SLC35F1: variants seen among roughly 807,000 people sequenced by gnomAD.
SLC35F1 encodes solute carrier family 35 member F1.
Under a neutral mutation model 48.7 loss-of-function variants are expected in SLC35F1, and 14 were observed. The observed-to-expected ratio is 0.29, with a 90% CI of 0.19 to 0.45. SLC35F1 has a LOEUF of 0.45. Ranked by LOEUF, SLC35F1 falls within the 20% of genes least tolerant of loss-of-function variation. SLC35F1 has a pLI of 1.00. For synonymous variants in SLC35F1, 190 were observed against 202.2 expected, an observed-to-expected ratio of 0.94 and a Z score of 0.51; for missense variants, 404 against 500.0, an observed-to-expected ratio of 0.81 and a Z score of 1.83.
At chr6:117,945,041 A>G (rs1776279090) in intron 1 of SLC35F1, among the ~76,000 whole-genome samples, 1 of 152,214 alleles carries the variant, frequency 6.6e-6, no homozygotes, top group South Asian at 2.1e-4. Flanking sequence ...ATCTGCATTC[A>G]TGGAGCTTGC....
rs76108627 is a variant in SLC35F1, at chr6:118,285,240, G to A, written c.904G>A (p.Val302Ile). The change falls in exon 7 of 8, where the codon GTC (valine) becomes ATC (isoleucine). Residue 302 changes from valine (V) to isoleucine (I), a missense_variant. Val to Ile is a conservative substitution (Grantham distance 29). Coordinates refer to ENST00000360388, the MANE Select transcript of SLC35F1 (RefSeq NM_001029858.4). Reference sequence around the variant, plus strand: ...GTTTGGTCTCTACAGCTTTATGCCAGTCGTCATAAAGAAAACCAGTGCCAC... The same window carrying A: ...GTTTGGTCTCTACAGCTTTATGCCAATCGTCATAAAGAAAACCAGTGCCAC... ...CMFGLYSFMP[V>I]VIKKTSATSV... The A allele has an allele frequency of 1.5e-3, 2,497 of 1,613,942 alleles. 5 individuals carry two copies. Among genetic ancestry groups the A allele is most frequent in the Non-Finnish European group, 1.9e-3 (2,253 of 1,179,886 alleles).
intron 1 of SLC35F1, among the ~76,000 whole-genome samples, chr6:118,022,214 A>G (rs1244089858): frequency 6.6e-6 from 1 of 152,212 alleles, no homozygotes; most frequent in Non-Finnish European, 1.5e-5. Context: ...CAGCATCAAA[A>G]TGAAATTGGT....
At chr6:117,937,582 T>C (rs1776176632) in intron 1 of SLC35F1, among the ~76,000 whole-genome samples, 1 of 152,142 alleles carries the variant, frequency 6.6e-6, no homozygotes, top group Admixed American at 6.5e-5. Flanking sequence ...AATCAAGAAA[T>C]ACTGTACCCA....
chr6:117,966,508 A>T (rs971558022), intron 1 of SLC35F1, among the ~76,000 whole-genome samples: 4 of 149,872 alleles, frequency 2.7e-5, no homozygotes, highest in African/African-American at 7.4e-5. Context: ...CTGCAGCTTC[A>T]CTCCTGAAGT....
intron 1 of SLC35F1, among the ~76,000 whole-genome samples, chr6:117,929,560 C>G (rs1230255113): frequency 3.6e-4 from 55 of 150,982 alleles, no homozygotes; most frequent in Non-Finnish European, 2.9e-5. Flanking sequence ...TAGGGGATGG[C>G]AAGTCTCAAA....
At chr6:118,181,979 T>C (rs979658989) in intron 2 of SLC35F1, among the ~76,000 whole-genome samples, 14 of 152,190 alleles carry the variant, frequency 9.2e-5, no homozygotes, top group Admixed American at 8.5e-4. Context: ...CTTTCAATAA[T>C]GGTAGAGCAA....
chr6:118,140,910 T>C (rs1202454349), intron 1 of SLC35F1, among the ~76,000 whole-genome samples: 1 of 152,220 alleles, frequency 6.6e-6, no homozygotes. Context: ...TTTCTATAGC[T>C]GTACAATGTG....
chr6:117,966,177 G>A (rs570027234), intron 1 of SLC35F1, among the ~76,000 whole-genome samples: 19 of 127,700 alleles, frequency 1.5e-4, no homozygotes, highest in Non-Finnish European at 2.4e-4. Flanking sequence ...GCGGTACCCT[G>A]CTGGGGTCCC....
intron 1 of SLC35F1, among the ~76,000 whole-genome samples, chr6:117,980,445 CCTGA>C (rs1465671406): frequency 1.3e-5 from 2 of 152,088 alleles, no homozygotes; most frequent in Admixed American, 6.5e-5. Context: ...TGTTGAGGTG[CCTGA>C]CTAATTCAAA....
intron 1 of SLC35F1, among the ~76,000 whole-genome samples, chr6:118,090,938 G>A (rs780601938): frequency 6.6e-6 from 1 of 152,150 alleles, no homozygotes; most frequent in Non-Finnish European, 1.5e-5. Flanking sequence ...TGGGAGTGCT[G>A]GTCAGATGTG....
At chr6:118,303,001 C>T (rs144091414) in intron 7 of SLC35F1, among the ~76,000 whole-genome samples, 2 of 149,358 alleles carry the variant, frequency 1.3e-5, no homozygotes, top group African/African-American at 4.9e-5. Flanking sequence ...AAACATTAAA[C>T]CCATAATATG....
At chr6:118,248,153 G>A (rs1372353149) in intron 3 of SLC35F1, among the ~76,000 whole-genome samples, 1 of 152,154 alleles carries the variant, frequency 6.6e-6, no homozygotes, top group Non-Finnish European at 1.5e-5. Flanking sequence ...GAATTCCAGT[G>A]CATTACAGAA....
At chr6:118,146,342 G>A (rs918516658) in intron 1 of SLC35F1, among the ~76,000 whole-genome samples, 1 of 152,044 alleles carries the variant, frequency 6.6e-6, no homozygotes, top group Non-Finnish European at 1.5e-5. Flanking sequence ...ACTCTACCCT[G>A]CACTTTAAAT....
chr6:117,956,958 C>G (rs1776435822), intron 1 of SLC35F1, among the ~76,000 whole-genome samples: 1 of 152,208 alleles, frequency 6.6e-6, no homozygotes, highest in Non-Finnish European at 1.5e-5. Flanking sequence ...ATAAGGACAT[C>G]TATTTCTTCC....
At chr6:118,269,930 A>T (rs956236696) in intron 4 of SLC35F1, among the ~76,000 whole-genome samples, 4 of 152,170 alleles carry the variant, frequency 2.6e-5, no homozygotes, top group African/African-American at 9.7e-5. Context: ...TGGGAGGCTG[A>T]GGCGGGAGGA....
intron 1 of SLC35F1, among the ~76,000 whole-genome samples, chr6:118,100,546 G>C (rs1018047936): frequency 6.6e-6 from 1 of 152,166 alleles, no homozygotes; most frequent in Non-Finnish European, 1.5e-5. Flanking sequence ...ATCAACATTA[G>C]AACCAGCCAA....
At position 118,150,908 on chromosome 6, in the gene SLC35F1, C is replaced by T. The variant is rs532794168; in HGVS notation, c.174-3537C>T. Among the ~76,000 whole-genome samples, 12 of 152,250 alleles carry T rather than the reference C, an allele frequency of 7.9e-5. 1 individual carries two copies. Among genetic ancestry groups the T allele is most frequent in the African/African-American group, 2.9e-4 (12 of 41,552 alleles). On this transcript the variant is annotated intron_variant, in intron 1 of 7. Coordinates refer to ENST00000360388, the MANE Select transcript of SLC35F1 (RefSeq NM_001029858.4). The stretch of plus-strand genomic sequence containing the variant: ...TCTCACCATTTCCTTTTCACTTAGT[C>T]ACTACTAGCTATCCCCTCCATGAAA...
chr6:117,999,604 G>T (rs1777059156), intron 1 of SLC35F1, among the ~76,000 whole-genome samples: 1 of 150,836 alleles, frequency 6.6e-6, no homozygotes, highest in Non-Finnish European at 1.5e-5. Context: ...AATCAGAGCA[G>T]AACTGAAGGA....
At chr6:118,143,174 A>G (rs139032972) in intron 1 of SLC35F1, among the ~76,000 whole-genome samples, 1 of 152,308 alleles carries the variant, frequency 6.6e-6, no homozygotes, top group East Asian at 1.9e-4. Flanking sequence ...TTTTTATTTT[A>G]AGAGAAAGTG....
Sources: gnomAD v4.1 joint callset for allele counts (sites outside exome capture counted in the v4.1 genomes callset) on GRCh38, gnomAD v4.1.1 for gene constraint, MANE v1.5 for transcripts, NCBI Gene and HGNC (gene_info 2026-07-23, HGNC 2026-07-21) for gene names.